The following PKP4 variants were observed in gnomAD, a reference collection of about 807,000 sequenced individuals.
PKP4 encodes plakophilin 4.
Under a neutral mutation model 145.1 loss-of-function variants are expected in PKP4, and 90 were observed. The ratio of observed to expected loss-of-function variants is 0.62; its 90% confidence interval spans 0.52 to 0.74. PKP4 has a LOEUF of 0.74. PKP4 is among the 30% of genes least tolerant of loss of function. PKP4 has a pLI of 0.00. For synonymous variants in PKP4, 563 were observed against 577.2 expected (o/e 0.98, Z 0.35); for missense variants, 1,340 against 1,482.7 (o/e 0.90, Z 1.58).
Position 158,533,288 on chromosome 2 carries a change from C to G in PKP4, c.104C>G (p.Thr35Ser). The change falls in exon 2 of 22, where the codon ACC becomes AGC. Residue 35 changes from threonine to serine, a missense_variant. By Grantham distance (58) the Thr-to-Ser change is moderately conservative (BLOSUM62 1). Transcript: ENST00000389759. ...GGCATGGAACCCGAGACCACAGCCA[C>G]CACTATTCTAGCATCCGTGAAGGAG... ...GPGMEPETTA[T>S]TILASVKEQE... 2 of 1,614,194 alleles carry G rather than the reference C, an allele frequency of 1.2e-6. No individual in the cohort carries two copies. The highest frequency in any genetic ancestry group is 1.7e-6 in the Non-Finnish European group (2 of 1,180,032).
chr2:158,574,426 C>T (rs1441472620), intron 2 of PKP4, among the ~76,000 whole-genome samples: 1 of 152,178 alleles, frequency 6.6e-6, no homozygotes, highest in Non-Finnish European at 1.5e-5. Flanking sequence ...GTCTCTGCAT[C>T]ATCATCTTAA....
intron 3 of PKP4, among the ~76,000 whole-genome samples, chr2:158,585,917 T>G (rs913640897): frequency 1.4e-5 from 2 of 143,004 alleles, no homozygotes; most frequent in African/African-American, 5.0e-5. Context: ...CCCTCTAGCC[T>G]CCCCCTTTTT....
intron 1 of PKP4, among the ~76,000 whole-genome samples, chr2:158,477,552 A>G (rs1648669302): frequency 6.6e-6 from 1 of 152,254 alleles, no homozygotes; most frequent in South Asian, 2.1e-4. Flanking sequence ...CAGGAAGTCA[A>G]GCATCAGGGG....
In PKP4 at chr2:158,468,770, C is replaced by T. The variant is rs1207381681; in HGVS notation, c.-6+11552C>T. On this transcript the variant is annotated intron_variant, in intron 1 of 21. Coordinates refer to ENST00000389759, the MANE Select transcript of PKP4 (RefSeq NM_003628.6). ...TTAGACATTTTCTTTTCTTCTTCTT[C>T]TTTTTTTTTTTTTTTTTTTGAGACA... 1.2e-3 allele frequency among the ~76,000 whole-genome samples: 136 copies of T among 109,970 alleles called. 1 individual carries two copies. The highest frequency in any genetic ancestry group is 4.3e-3 in the African/African-American group (125 of 29,316). 72.1% of individuals were successfully genotyped at this position (109,970 alleles called of 152,430 possible).
At chr2:158,567,554 G>A (rs2047094874) in intron 2 of PKP4, among the ~76,000 whole-genome samples, 1 of 152,234 alleles carries the variant, frequency 6.6e-6, no homozygotes, top group Non-Finnish European at 1.5e-5. Flanking sequence ...CCATAGGCAA[G>A]TCAGTTCTCT....
At chr2:158,533,487 C>T (rs1451968072) in intron 2 of PKP4, 171 bp downstream of exon 2, 1 of 752,406 alleles carries the variant, frequency 1.3e-6, no homozygotes. Flanking sequence ...AGAGCCGCTC[C>T]AGGTGCCAGT....
intron 3 of PKP4, among the ~76,000 whole-genome samples, chr2:158,599,273 A>C (rs2050031331): frequency 6.6e-6 from 1 of 152,188 alleles, no homozygotes; most frequent in South Asian, 2.1e-4. Flanking sequence ...TAAGAGGATA[A>C]AGGCCAGAAC....
intron 4 of PKP4, among the ~76,000 whole-genome samples, chr2:158,619,012 T>C (rs2051935612): frequency 6.6e-6 from 1 of 152,230 alleles, no homozygotes; most frequent in Non-Finnish European, 1.5e-5. Context: ...ACTTTTTATC[T>C]GTAGTTTCTT....
At chr2:158,608,269 AG>A (rs2050815124) in intron 4 of PKP4, among the ~76,000 whole-genome samples, 1 of 152,188 alleles carries the variant, frequency 6.6e-6, no homozygotes, top group Non-Finnish European at 1.5e-5. Flanking sequence ...TTTAAATTAA[AG>A]TTTTCAAATC....
chr2:158,501,179 CTG>C (rs1159021873), intron 1 of PKP4, among the ~76,000 whole-genome samples: 1 of 152,188 alleles, frequency 6.6e-6, no homozygotes, highest in East Asian at 1.9e-4. Context: ...TTAATACTCT[CTG>C]GGTTGTAGCC....
intron 9 of PKP4, among the ~76,000 whole-genome samples, chr2:158,638,280 A>C (rs1457511824): frequency 6.6e-6 from 1 of 152,236 alleles, no homozygotes; most frequent in African/African-American, 2.4e-5. Flanking sequence ...GTCAGAAGTA[A>C]AAGTATATAA....
chr2:158,605,735 T>A (rs1352968256), intron 4 of PKP4, among the ~76,000 whole-genome samples: 1 of 152,166 alleles, frequency 6.6e-6, no homozygotes, highest in East Asian at 1.9e-4. Flanking sequence ...CACCACAATT[T>A]TAGAACATTT....
In PKP4 at chr2:158,609,082, G is replaced by C. The variant is rs1186494853; in HGVS notation, c.280+5978G>C. On this transcript the variant is annotated intron_variant, in intron 4 of 21. Coordinates refer to ENST00000389759, the MANE Select transcript of PKP4 (RefSeq NM_003628.6). ...TCCGCCCAACTCTGCCTCCCAAAGTGCTGGGATTACAGGCATGAGCCACTG... is the reference window on the plus strand; with the variant it reads ...TCCGCCCAACTCTGCCTCCCAAAGTCCTGGGATTACAGGCATGAGCCACTG... Among the ~76,000 whole-genome samples, 6 of 152,060 alleles carry C rather than the reference G, an allele frequency of 3.9e-5. No individual in the cohort carries two copies. The East Asian group carries it at 1.2e-3, about 29-fold the overall frequency.
Position 158,680,796 on chromosome 2 carries a change from G to T in PKP4, c.*119G>T. ...AAGTGAAGTGGAAGGAATGAATGAA[G>T]TGTGTTTTTTTTTTCTTTTTTGAGG... On this transcript the variant is annotated 3_prime_UTR_variant, in exon 22 of 22. Transcript: ENST00000389759. The T allele has an allele frequency of 1.0e-6, 1 of 954,706 alleles. No individual in the cohort carries two copies. Among genetic ancestry groups the T allele is most frequent in the Non-Finnish European group, 1.6e-6 (1 of 637,288 alleles). 59.1% of individuals were successfully genotyped at this position (954,706 alleles called of 1,614,324 possible).
chr2:158,552,681 G>A (rs188445747), intron 2 of PKP4, among the ~76,000 whole-genome samples: 1 of 152,202 alleles, frequency 6.6e-6, no homozygotes, highest in East Asian at 1.9e-4. Context: ...CTAGACCACC[G>A]CAATAAAGCT....
rs2056782656 is a variant in PKP4, at chr2:158,663,335, C to T, written c.2467C>T (p.His823Tyr). ...KSPKGVEMLW[H>Y]PSVVKPYLTL... ...CCCCAAAGGGGTTGAGATGCTGTGG[C>T]ACCCATCGGTGGTAAAACCATATCT... is the stretch of plus-strand genomic sequence containing the variant. The change falls in exon 15 of 22, where the codon CAC becomes TAC. Residue 823 changes from histidine (H) to tyrosine (Y), a missense_variant. Physicochemically the swap from His to Tyr is moderately conservative, Grantham distance 83 (BLOSUM62 2). Transcript: ENST00000389759. 13 of 1,613,842 alleles carry T rather than the reference C, an allele frequency of 8.1e-6. No individual in the cohort carries two copies. The highest frequency in any genetic ancestry group is 1.3e-5 in the African/African-American group (1 of 74,926).
intron 3 of PKP4, among the ~76,000 whole-genome samples, chr2:158,600,157 T>C (rs2050104741): frequency 6.6e-6 from 1 of 152,236 alleles, no homozygotes; most frequent in South Asian, 2.1e-4. Context: ...AATTTGCTTT[T>C]GATTGATGTT....
At position 158,625,231 on chromosome 2, in the gene PKP4, G is replaced by A. The variant is rs755736186; in HGVS notation, c.957G>A (p.Thr319=). ...TARVGSPLTL[T]DAQTRVASPS... ...GAGTGGGGTCCCCACTGACCCTGAC[G>A]GATGCACAGACTCGAGTAGCTTCCC... Residue 319 remains threonine, a synonymous_variant, in exon 7 of 22, where the codon ACG becomes ACA. Transcript: ENST00000389759. 44 of 1,614,024 alleles carry A rather than the reference G, an allele frequency of 2.7e-5. No homozygotes were observed. The highest frequency in any genetic ancestry group is 3.5e-5 in the Non-Finnish European group (41 of 1,180,028).
At chr2:158,473,788 C>G (rs751535277) in intron 1 of PKP4, among the ~76,000 whole-genome samples, 9 of 152,122 alleles carry the variant, frequency 5.9e-5, no homozygotes, top group African/African-American at 9.7e-5. Context: ...ACATGTACCC[C>G]TGAACCTAAA....
Sources: gnomAD v4.1 joint callset for allele counts (sites outside exome capture counted in the v4.1 genomes callset) on GRCh38, gnomAD v4.1.1 for gene constraint, MANE v1.5 for transcripts, NCBI Gene and HGNC (gene_info 2026-07-23, HGNC 2026-07-21) for gene names.